Variants in AMZ1 observed in about 807,000 individuals in gnomAD.
AMZ1 encodes the protein archaelysin family metallopeptidase 1.
AMZ1 carries 39 observed loss-of-function variants against 29.9 expected under a neutral mutation model. The ratio of observed to expected loss-of-function variants is 1.30; its 90% CI spans 1.01 to 1.70. The LOEUF is 1.70. Among genes scored for constraint, AMZ1 ranks in the 40% most tolerant of loss-of-function variants. The probability of loss-of-function intolerance (pLI) is 0.00; values close to 1 mark genes in which losing one functional copy is unlikely to be tolerated. For synonymous variants in AMZ1, 458 were observed against 304.0 expected, an observed-to-expected ratio of 1.51 and a Z score of -5.27; for missense variants, 1,041 against 680.6, an observed-to-expected ratio of 1.53 and a Z score of -5.89.
chr7:2,733,560 A>T, intron 4 of AMZ1: 1 of 1,366,686 alleles, frequency 7.3e-7, no homozygotes, highest in Non-Finnish European at 1.0e-6. Flanking sequence ...TGATGTGGCA[A>T]ATACAAGAAC....
chr7:2,724,870 G>A (rs1177270491), intron 4 of AMZ1, among the ~76,000 whole-genome samples: 7 of 152,100 alleles, frequency 4.6e-5, no homozygotes, highest in African/African-American at 1.2e-4. Context: ...ATTTCCAAAC[G>A]TCAGGGTTAA....
At position 2,734,228 on chromosome 7, in the gene AMZ1, G is replaced by A. The variant is rs375592123; in HGVS notation, n.550+24412G>A. Reference sequence around the variant, plus strand: ...AATGCGAGGCACACACGGGGCACGGGAGGAGCCGGGAGAGCGCAACCACCG... The same window carrying A: ...AATGCGAGGCACACACGGGGCACGGAAGGAGCCGGGAGAGCGCAACCACCG... On this transcript the variant is annotated intron_variant and non_coding_transcript_variant, in intron 4 of 4. Transcript: ENST00000489665. Among the ~76,000 whole-genome samples, 66 of 152,354 alleles carry A rather than the reference G, an allele frequency of 4.3e-4. No individual in the cohort carries two copies. The East Asian group carries it at 0.011, about 26-fold the overall frequency.
At chr7:2,688,062 G>C (rs768588866), upstream of AMZ1, 1 of 152,422 alleles carries the variant, frequency 6.6e-6, no homozygotes, top group Non-Finnish European at 1.5e-5. Flanking sequence ...GAGCTCCACC[G>C]CGGGCAGCTG....
Position 2,709,745 on chromosome 7 carries a change from C to CT in AMZ1, c.878dup (p.Asp294GlyfsTer62), listed in dbSNP as rs1562373323. ...CCTGGACGAGGCCCTGCGGCGGCCC[C>CT]TGGACCTCTGTCCCATCTGCCTGAG... On this transcript the variant is annotated frameshift_variant, in exon 6 of 7. Coordinates refer to ENST00000683327, the MANE Select transcript of AMZ1 (RefSeq NM_001384743.1). LOFTEE classifies it high-confidence loss of function. The CT allele has an allele frequency of 1.2e-6, 2 of 1,611,620 alleles. No individual in the cohort carries two copies. The highest frequency in any genetic ancestry group is 1.1e-5 in the South Asian group (1 of 91,006).
intron 4 of AMZ1, among the ~76,000 whole-genome samples, chr7:2,753,672 G>T (rs140356964): frequency 3.3e-5 from 5 of 152,324 alleles, no homozygotes; most frequent in African/African-American, 9.6e-5. Context: ...TGGTGTGGAT[G>T]TAAGTTTCAT....
intron 3 of AMZ1, among the ~76,000 whole-genome samples, chr7:2,703,392 C>T (rs888568000): frequency 1.3e-5 from 2 of 152,200 alleles, no homozygotes; most frequent in Admixed American, 1.3e-4. Flanking sequence ...CTGCCTGCCT[C>T]AGCCTCCCAA....
At chr7:2,708,513 G>A (rs1432947547) in intron 3 of AMZ1, 75 bp from the exon 4 acceptor site, 4 of 1,590,218 alleles carry the variant, frequency 2.5e-6, no homozygotes, top group East Asian at 2.2e-5. Flanking sequence ...GAGGATGACG[G>A]GGTGCCAGCC....
At chr7:2,741,843 G>A (rs904940427) in intron 4 of AMZ1, among the ~76,000 whole-genome samples, 3 of 150,508 alleles carry the variant, frequency 2.0e-5, no homozygotes, top group African/African-American at 7.4e-5. Flanking sequence ...AAGGATAAGA[G>A]TATTCATCTA....
At chr7:2,695,564 T>G (rs1247443984) in intron 1 of AMZ1, among the ~76,000 whole-genome samples, 1 of 79,094 alleles carries the variant, frequency 1.3e-5, no homozygotes, top group Non-Finnish European at 2.8e-5. Context: ...AAAAAAAAAA[T>G]TGACTGGGCG....
chr7:2,750,913 T>C (rs1469482449), intron 4 of AMZ1, among the ~76,000 whole-genome samples: 1 of 152,128 alleles, frequency 6.6e-6, no homozygotes, highest in East Asian at 1.9e-4. Flanking sequence ...GGTGGACAGA[T>C]GGGAACAGAA....
downstream of AMZ1, among the ~76,000 whole-genome samples, chr7:2,719,975 C>T (rs1471823730): frequency 6.6e-6 from 1 of 152,196 alleles, no homozygotes; most frequent in Non-Finnish European, 1.5e-5. Context: ...GCCACCGTGC[C>T]CAGCCTCAAC....
At chr7:2,764,679 C>G (rs559789504) in exon 1 of AMZ1, 1 of 152,200 alleles carries the variant, frequency 6.6e-6, no homozygotes, top group Non-Finnish European at 1.5e-5. Flanking sequence ...CTGAATGCAT[C>G]TGAGTTTTGC....
chr7:2,753,320 A>G (rs1791128045), intron 4 of AMZ1, among the ~76,000 whole-genome samples: 1 of 152,060 alleles, frequency 6.6e-6, no homozygotes, highest in African/African-American at 2.4e-5. Flanking sequence ...CGATTGGCTA[A>G]TTTTATTTTT....
At chr7:2,708,562 C>T (rs369674292) in intron 3 of AMZ1, 26 bp from the exon 4 acceptor site, 1 of 1,610,692 alleles carries the variant, frequency 6.2e-7, no homozygotes, top group Non-Finnish European at 8.5e-7. Context: ...GCCTCCTGAC[C>T]CCATCCTCTG....
At chr7:2,721,116 C>T (rs798549), downstream of AMZ1, among the ~76,000 whole-genome samples, 2 of 152,206 alleles carry the variant, frequency 1.3e-5, no homozygotes, top group Admixed American at 1.3e-4. Context: ...CTATTGAAGA[C>T]ACACTGGGTG....
At chr7:2,744,211 C>G (rs189202195) in intron 4 of AMZ1, among the ~76,000 whole-genome samples, 1 of 152,324 alleles carries the variant, frequency 6.6e-6, no homozygotes, top group African/African-American at 2.4e-5. Context: ...TGAGAACGGG[C>G]AGACTGCCTC....
chr7:2,733,895 G>A (rs946350390), intron 4 of AMZ1, among the ~76,000 whole-genome samples: 5 of 152,216 alleles, frequency 3.3e-5, no homozygotes, highest in Admixed American at 6.5e-5. Flanking sequence ...GTACAGTCTT[G>A]CTTCTGTCGA....
chr7:2,713,303 CCT>C lies in AMZ1; in HGVS notation c.*426_*427del, dbSNP rs1788919442. ...CTGTCTTCAGGCGCCTCCTTCAACT[CCT>C]GAGTCCCAGCCAGCCGCTCCCAGGG... On this transcript the variant is annotated 3_prime_UTR_variant, in exon 7 of 7. Coordinates refer to ENST00000683327, the MANE Select transcript of AMZ1 (RefSeq NM_001384743.1). 1 of 153,578 alleles carries C rather than the reference CCT, an allele frequency of 6.5e-6. No homozygotes were observed. The highest frequency in any genetic ancestry group is 2.4e-5 in the African/African-American group (1 of 41,486). The allele number at this position is 153,578 out of a possible 1,614,324, so 9.5% of individuals were successfully genotyped here.
At chr7:2,764,298 G>C (rs1370918500), upstream of AMZ1, among the ~76,000 whole-genome samples, 1 of 150,798 alleles carries the variant, frequency 6.6e-6, no homozygotes, top group Non-Finnish European at 1.5e-5. Context: ...GCCCAGGCAG[G>C]TCTCAAACTC....
Sources: allele counts gnomAD v4.1 joint callset (sites outside exome capture counted in the v4.1 genomes callset), GRCh38; gene constraint gnomAD v4.1.1; transcripts MANE v1.5; gene names NCBI Gene and HGNC (gene_info 2026-07-23, HGNC 2026-07-21).